Variants in GABRB3 observed in about 807,000 individuals in gnomAD.
GABRB3 encodes gamma-aminobutyric acid receptor subunit beta-3.
In GABRB3, 14 loss-of-function variants were observed where a neutral mutation model predicts 52.1. The ratio of observed to expected loss-of-function variants is 0.27; its 90% CI spans 0.18 to 0.42. The LOEUF (loss-of-function observed/expected upper bound fraction) is 0.42. GABRB3 is among the 10% of genes least tolerant of loss of function. The probability of loss-of-function intolerance (pLI) is 1.00; values close to 1 mark genes in which losing one functional copy is unlikely to be tolerated. For synonymous variants in GABRB3, 260 were observed against 232.3 expected (o/e 1.12, Z -1.08); for missense variants, 307 against 609.1 (o/e 0.50, Z 5.22).
intron 4 of GABRB3, among the ~76,000 whole-genome samples, chr15:26,601,883 A>C (rs1891602688): frequency 6.6e-6 from 1 of 152,232 alleles, no homozygotes; most frequent in Non-Finnish European, 1.5e-5. Flanking sequence ...GAAAACAACA[A>C]AATGGCAAGA....
rs542219541 is a variant in GABRB3, at chr15:26,751,682, G to A, written c.240+20720C>T. Among the ~76,000 whole-genome samples the A allele has an allele frequency of 2.6e-5, 4 of 152,044 alleles. No homozygotes were observed. The East Asian group carries it at 7.7e-4, about 29-fold the overall frequency. ...ATGTTGGGGGACCCCTCATAAGGGG[G>A]TCCTTTATGTTACTGTTGATTCAGC... On this transcript the variant is annotated intron_variant, in intron 3 of 8. Coordinates refer to ENST00000311550, the MANE Select transcript of GABRB3 (RefSeq NM_000814.6).
At chr15:26,566,554 C>T (rs886849332) in intron 7 of GABRB3, among the ~76,000 whole-genome samples, 1 of 152,028 alleles carries the variant, frequency 6.6e-6, no homozygotes, top group Non-Finnish European at 1.5e-5. Context: ...GGCGAAACCC[C>T]ATCTCTACAA....
chr15:26,728,587 C>T, intron 3 of GABRB3, among the ~76,000 whole-genome samples: 1 of 152,216 alleles, frequency 6.6e-6, no homozygotes, highest in East Asian at 1.9e-4. Context: ...CCACACAGCA[C>T]ACGCTGCCAA....
chr15:26,620,106 C>T (rs1051343278), intron 4 of GABRB3, among the ~76,000 whole-genome samples: 1 of 152,172 alleles, frequency 6.6e-6, no homozygotes, highest in African/African-American at 2.4e-5. Context: ...AGAACCTGAA[C>T]CTCCGGAGCT....
Position 26,669,629 on chromosome 15 carries a change from C to G in GABRB3, c.241-48095G>C, listed in dbSNP as rs139289678. ...GTCTCTCTCTCTCTCTCTCTCCCCA[C>G]CCCTCTCCTTTAACTTGCACTCCCT... is the stretch of plus-strand genomic sequence containing the variant. On this transcript the variant is annotated intron_variant, in intron 3 of 8. Transcript: ENST00000311550. Among the ~76,000 whole-genome samples, 405 of 151,648 alleles carry G rather than the reference C, an allele frequency of 2.7e-3. 5 individuals are homozygous for G. Among genetic ancestry groups the G allele is most frequent in the African/African-American group, 9.4e-3 (386 of 41,064 alleles).
intron 3 of GABRB3, among the ~76,000 whole-genome samples, chr15:26,652,634 A>C (rs1049932239): frequency 2.6e-5 from 4 of 152,172 alleles, no homozygotes; most frequent in African/African-American, 9.7e-5. Flanking sequence ...CATTTCCTGG[A>C]AATAGTCAAC....
intron 3 of GABRB3, among the ~76,000 whole-genome samples, chr15:26,723,424 A>C (rs573833466): frequency 6.6e-6 from 1 of 152,348 alleles, no homozygotes; most frequent in African/African-American, 2.4e-5. Context: ...TTTCACACTA[A>C]GAAATCCTAC....
chr15:26,678,160 A>G (rs967504362), intron 3 of GABRB3, among the ~76,000 whole-genome samples: 3 of 152,192 alleles, frequency 2.0e-5, no homozygotes, highest in African/African-American at 4.8e-5. Context: ...AGACATCTTC[A>G]TAAGACCCAC....
chr15:26,692,953 T>G (rs1252790139), intron 3 of GABRB3, among the ~76,000 whole-genome samples: 13 of 152,148 alleles, frequency 8.5e-5, no homozygotes, highest in Non-Finnish European at 1.8e-4. Context: ...GATCCGAACT[T>G]TAAGAAAACT....
intron 4 of GABRB3, among the ~76,000 whole-genome samples, chr15:26,619,579 T>TA (rs1251582937): frequency 6.7e-6 from 1 of 148,858 alleles, no homozygotes. Flanking sequence ...GATGACGAGT[T>TA]AGTGGGTGCA....
chr15:26,641,403 C>T (rs1893197669), intron 3 of GABRB3, among the ~76,000 whole-genome samples: 1 of 152,144 alleles, frequency 6.6e-6, no homozygotes, highest in African/African-American at 2.4e-5. Flanking sequence ...CTGGCACTGG[C>T]CAGAGGAAGG....
chr15:26,641,188 A>G (rs1893191087), intron 3 of GABRB3, among the ~76,000 whole-genome samples: 1 of 152,218 alleles, frequency 6.6e-6, no homozygotes, highest in Non-Finnish European at 1.5e-5. Flanking sequence ...ACTACAGCCC[A>G]TTATCAAATA....
intron 3 of GABRB3, among the ~76,000 whole-genome samples, chr15:26,640,441 C>T (rs1476033355): frequency 3.3e-5 from 5 of 151,880 alleles, no homozygotes; most frequent in African/African-American, 4.8e-5. Flanking sequence ...GGCATGAACC[C>T]GGGAGGTGGA....
intron 3 of GABRB3, among the ~76,000 whole-genome samples, chr15:26,717,949 C>T (rs906407925): frequency 1.3e-5 from 2 of 152,210 alleles, no homozygotes; most frequent in African/African-American, 2.4e-5. Context: ...AGAGTTCTCA[C>T]TTCTGCAAGT....
chr15:26,763,609 C>CACAA (rs764153114), intron 3 of GABRB3, among the ~76,000 whole-genome samples: 10 of 79,104 alleles, frequency 1.3e-4, no homozygotes, highest in African/African-American at 3.2e-4. Flanking sequence ...TGCATAGATA[C>CACAA]ACACACACAC....
intron 4 of GABRB3, among the ~76,000 whole-genome samples, chr15:26,588,843 T>G (rs1175016948): frequency 6.6e-6 from 1 of 152,230 alleles, no homozygotes; most frequent in Non-Finnish European, 1.5e-5. Flanking sequence ...CCACCCATTG[T>G]GGAATAGGGT....
At chr15:26,667,109 C>T (rs1030983933) in intron 3 of GABRB3, among the ~76,000 whole-genome samples, 1 of 152,214 alleles carries the variant, frequency 6.6e-6, no homozygotes, top group East Asian at 1.9e-4. Context: ...TGAATATCAC[C>T]TCGCTTCGGT....
At chr15:26,576,238 T>C (rs1890586597) in intron 6 of GABRB3, among the ~76,000 whole-genome samples, 1 of 152,256 alleles carries the variant, frequency 6.6e-6, no homozygotes, top group Non-Finnish European at 1.5e-5. Flanking sequence ...CTTGTAACTG[T>C]TACAGCCAAC....
At chr15:26,660,272 C>A (rs529293675) in intron 3 of GABRB3, among the ~76,000 whole-genome samples, 1 of 151,438 alleles carries the variant, frequency 6.6e-6, no homozygotes, top group Non-Finnish European at 1.5e-5. Flanking sequence ...GTAAATGTGG[C>A]GACACTAGGA....
Sources: allele counts gnomAD v4.1 joint callset (sites outside exome capture counted in the v4.1 genomes callset), GRCh38; gene constraint gnomAD v4.1.1; transcripts MANE v1.5; gene names NCBI Gene and HGNC (gene_info 2026-07-23, HGNC 2026-07-21).